The following PLA2G4E variants were observed in gnomAD, a reference collection of about 807,000 sequenced individuals.
PLA2G4E encodes the protein phospholipase A2 group IVE.
A neutral mutation model predicts 109.1 loss-of-function variants in PLA2G4E; 84 were observed. The ratio of observed to expected loss-of-function variants is 0.77; its 90% CI spans 0.65 to 0.92. PLA2G4E has a LOEUF of 0.92. Ranked by LOEUF, PLA2G4E falls within the 40% of genes least tolerant of loss-of-function variation. The pLI is 0.00. For missense variants in PLA2G4E, 1,057 were observed against 1,076.6 expected, an observed-to-expected ratio of 0.98 and a Z score of 0.25; for synonymous variants, 469 against 436.1, an observed-to-expected ratio of 1.08 and a Z score of -0.94.
At position 42,000,077 on chromosome 15, in the gene PLA2G4E, C is replaced by T. The variant is rs753968274; in HGVS notation, c.852+27G>A. ...CCCCCACCTGTCCCAGTCCCCCACA[C>T]CTCCCCCAGTGTCAGCCGCCTTGTA... On this transcript the variant is annotated intron_variant, in intron 8 of 19. Coordinates refer to ENST00000399518, the Ensembl canonical transcript of PLA2G4E. The T allele has an allele frequency of 2.5e-6, 4 of 1,576,424 alleles. No individual in the cohort carries two copies. In the African/African-American group the frequency reaches 5.4e-5, roughly 21 times the overall value.
Position 42,008,643 on chromosome 15 carries a change from C to T in PLA2G4E, c.257-778G>A, listed in dbSNP as rs757154557. Among the ~76,000 whole-genome samples, 63 of 152,216 alleles carry T rather than the reference C, an allele frequency of 4.1e-4. 1 individual carries two copies. The highest frequency in any genetic ancestry group is 2.0e-4 in the Admixed American group (3 of 15,276). On this transcript the variant is annotated intron_variant, in intron 2 of 19. Transcript: ENST00000399518. Reference sequence around the variant, plus strand: ...GACAGAAGGTCTCCTAAGTCTTCCACCTGGAGCAACAGAAGGGATAGGGTG... The same window carrying T: ...GACAGAAGGTCTCCTAAGTCTTCCATCTGGAGCAACAGAAGGGATAGGGTG...
chr15:42,017,872 T>G (rs1045871665), intron 1 of PLA2G4E, among the ~76,000 whole-genome samples: 4 of 152,220 alleles, frequency 2.6e-5, no homozygotes, highest in Non-Finnish European at 5.9e-5. Context: ...CATAAGGGTC[T>G]TTGGAGAAGT....
At chr15:41,983,109 A>C (rs2068084679) in exon 20 of PLA2G4E, 1 of 152,630 alleles carries the variant, frequency 6.6e-6, no homozygotes, top group Middle Eastern at 3.1e-3. Flanking sequence ...CTAAAAATAC[A>C]AAAAATTAGC....
At chr15:42,020,962 G>C (rs143514224) in intron 1 of PLA2G4E, among the ~76,000 whole-genome samples, 120 of 151,962 alleles carry the variant, frequency 7.9e-4, no homozygotes, top group Non-Finnish European at 1.1e-3. Context: ...CCGAGGGCCT[G>C]CTGTCTTCTG....
chr15:42,039,918 G>C (rs555665084), intron 1 of PLA2G4E, among the ~76,000 whole-genome samples: 36 of 152,224 alleles, frequency 2.4e-4, no homozygotes, highest in African/African-American at 8.2e-4. Context: ...AGAAGTTTTG[G>C]GGGAACTTAA....
intron 2 of PLA2G4E, chr15:42,009,152 T>C (rs1158482604): frequency 1.3e-5 from 2 of 152,202 alleles, no homozygotes; most frequent in African/African-American, 4.8e-5. Flanking sequence ...GATAATCACT[T>C]AATCCAGACA....
chr15:42,024,796 T>G (rs182465810), intron 1 of PLA2G4E, among the ~76,000 whole-genome samples: 7 of 152,366 alleles, frequency 4.6e-5, no homozygotes, highest in Admixed American at 4.6e-4. Context: ...CAACAAACTC[T>G]GGATTCCAAT....
intron 5 of PLA2G4E, among the ~76,000 whole-genome samples, chr15:42,003,833 G>A (rs1359561379): frequency 2.0e-5 from 3 of 152,246 alleles, no homozygotes; most frequent in Admixed American, 2.0e-4. Context: ...CAGTTACAGG[G>A]CACTCTGCCC....
chr15:41,994,323 G>A (rs2068302885), intron 12 of PLA2G4E, among the ~76,000 whole-genome samples: 1 of 152,176 alleles, frequency 6.6e-6, no homozygotes, highest in South Asian at 2.1e-4. Flanking sequence ...TGTGGCACAG[G>A]AGCCCTTGGC....
chr15:42,013,741 C>T (rs941760011), exon 2 of PLA2G4E: 36 of 1,550,436 alleles, frequency 2.3e-5, no homozygotes, highest in Non-Finnish European at 3.1e-5. Flanking sequence ...CAACAGGTGG[C>T]ATGGAGACAG....
intron 1 of PLA2G4E, among the ~76,000 whole-genome samples, chr15:42,045,212 C>G (rs1889392645): frequency 6.6e-6 from 1 of 152,114 alleles, no homozygotes; most frequent in Non-Finnish European, 1.5e-5. Flanking sequence ...AAGGGAGACC[C>G]TCTACGATGG....
rs1228881151 is a variant in PLA2G4E, at chr15:42,050,446, T to A, written c.183+75A>T. The stretch of plus-strand genomic sequence containing the variant: ...CCTCTTAACTCTGCAGCAATGCAGG[T>A]GATCTTATTCCGAGTCAGGAAAGTG... On this transcript the variant is annotated intron_variant, in intron 1 of 19. Coordinates refer to ENST00000399518, the Ensembl canonical transcript of PLA2G4E. 1.6e-5 allele frequency: 23 copies of A among 1,449,230 alleles called. No homozygotes were observed. The East Asian group carries it at 5.0e-4, about 31-fold the overall frequency. The allele number at this position is 1,449,230 out of a possible 1,614,324, so 89.8% of individuals were successfully genotyped here.
At chr15:41,995,324 C>T (rs1220203817) in intron 12 of PLA2G4E, 36 bp downstream of exon 12, 2 of 1,600,926 alleles carry the variant, frequency 1.2e-6, no homozygotes, top group Admixed American at 1.7e-5. Flanking sequence ...CGTGGCTTGC[C>T]CTGGGCTCCA....
rs114851552 is a variant in PLA2G4E, at chr15:42,035,270, C to G, written c.183+15251G>C. Among the ~76,000 whole-genome samples, 260 of 152,354 alleles carry G rather than the reference C, an allele frequency of 1.7e-3. 1 individual carries two copies. The highest frequency in any genetic ancestry group is 6.0e-3 in the African/African-American group (248 of 41,592). ...GTCCTTGACTGGAAGTCAACACTGT[C>G]ATATGTCTACCCACCACTCACATAC... is the stretch of plus-strand genomic sequence containing the variant. On this transcript the variant is annotated intron_variant, in intron 1 of 19. Transcript: ENST00000399518.
chr15:42,019,383 A>G (rs950608522), intron 1 of PLA2G4E, among the ~76,000 whole-genome samples: 5 of 152,230 alleles, frequency 3.3e-5, no homozygotes, highest in African/African-American at 1.2e-4. Flanking sequence ...GAAGGGTCTG[A>G]CAACCACATT....
intron 1 of PLA2G4E, among the ~76,000 whole-genome samples, chr15:42,035,679 C>T (rs141672566): frequency 9.7e-4 from 148 of 152,246 alleles, no homozygotes; most frequent in Admixed American, 2.2e-3. Flanking sequence ...AAACACTATC[C>T]CTAGGAAGAG....
At chr15:42,018,599 TA>T (rs1022099817) in intron 1 of PLA2G4E, among the ~76,000 whole-genome samples, 105 of 152,246 alleles carry the variant, frequency 6.9e-4, no homozygotes, top group African/African-American at 2.4e-3. Context: ...TACAGAGGTA[TA>T]TTTAGCCACT....
intron 1 of PLA2G4E, among the ~76,000 whole-genome samples, chr15:42,028,419 T>C (rs1202943806): frequency 4.8e-5 from 2 of 42,102 alleles, no homozygotes; most frequent in Admixed American, 3.9e-4. Context: ...TTATTTATTA[T>C]TTTTTGAGAC....
intron 18 of PLA2G4E, 80 bp downstream of exon 18, chr15:41,985,759 C>T: frequency 6.7e-7 from 1 of 1,483,756 alleles, no homozygotes; most frequent in Non-Finnish European, 9.2e-7. Context: ...TCCCAGTTCA[C>T]AGCGAGTGAG....
Sources: gnomAD v4.1 joint callset for allele counts (sites outside exome capture counted in the v4.1 genomes callset) on GRCh38, gnomAD v4.1.1 for gene constraint, MANE v1.5 for transcripts, NCBI Gene and HGNC (gene_info 2026-07-23, HGNC 2026-07-21) for gene names.